Variants in IMPG1 observed in about 807,000 individuals in gnomAD.
The protein encoded by IMPG1 is interphotoreceptor matrix proteoglycan 1, also known as interphotoreceptor matrix proteoglycan of 150 kDa.
Under a neutral mutation model 92.0 loss-of-function variants are expected in IMPG1, and 85 were observed. That is an observed-to-expected ratio of 0.92 (90% CI 0.78 to 1.11). The LOEUF is 1.11. Ranked by LOEUF, IMPG1 falls within the 50% of genes least tolerant of loss-of-function variation. IMPG1 has a pLI of 0.00. For missense variants in IMPG1, 1,022 were observed against 956.0 expected (o/e 1.07, Z -0.91); for synonymous variants, 367 against 334.1 (o/e 1.10, Z -1.08).
chr6:75,930,974 T>C lies in IMPG1; in HGVS notation c.2222A>G (p.Gln741Arg), dbSNP rs1781657527. 1.9e-6 allele frequency: 3 copies of C among 1,614,128 alleles called. No homozygotes were observed. Among genetic ancestry groups the C allele is most frequent in the Non-Finnish European group, 2.5e-6 (3 of 1,180,042 alleles). ...GPGTKECEVL[Q>R]GKGAPCRLPD... The stretch of plus-strand genomic sequence containing the variant: ...CCACCTGCATGGAGCTCCCTTTCCC[T>C]GGAGGACCTCGCATTCCTTTGTGCC... The change falls in exon 15 of 17, where the codon CAG becomes CGG. Residue 741 changes from glutamine (Q) to arginine (R), a missense_variant. Around this residue, in one of 3 missense-constraint regions of IMPG1, gnomAD observed 332 missense variants for 346.2 expected, o/e 0.96. Transcript: ENST00000369950.
At position 75,950,639 on chromosome 6, in the gene IMPG1, T is replaced by C; in HGVS notation, c.1747A>G (p.Asn583Asp). ...AACAGGTCGTTGGAGAAGGCCATGT[T>C]AGCAACACGCAGACTGAAGAACACT... ...LVVFFSLRVANMAFSNDLFNK... is the reference protein window; with the variant it reads ...LVVFFSLRVADMAFSNDLFNK... The change falls in exon 13 of 17, where the codon AAC becomes GAC. Residue 583 changes from asparagine (N) to aspartate (D), a missense_variant. Asn to Asp is a conservative substitution (Grantham distance 23, BLOSUM62 1). Around this residue, in one of 3 missense-constraint regions of IMPG1, gnomAD observed 332 missense variants for 346.2 expected, o/e 0.96. Transcript: ENST00000369950. 1.9e-6 allele frequency: 3 copies of C among 1,613,888 alleles called. No individual in the cohort carries two copies. The highest frequency in any genetic ancestry group is 1.7e-6 in the Non-Finnish European group (2 of 1,179,854).
intron 1 of IMPG1, among the ~76,000 whole-genome samples, chr6:76,058,697 A>T (rs1784158543): frequency 6.6e-6 from 1 of 152,156 alleles, no homozygotes; most frequent in African/African-American, 2.4e-5. Flanking sequence ...AAGTTTTGGA[A>T]ATCTGGCTAG....
intron 12 of IMPG1, among the ~76,000 whole-genome samples, chr6:75,974,258 C>T (rs1017378917): frequency 1.3e-5 from 2 of 151,552 alleles, no homozygotes. Flanking sequence ...TTCTTTCTTT[C>T]TTTCTCTCTC....
chr6:75,927,618 T>C, intron 15 of IMPG1, among the ~76,000 whole-genome samples: 1 of 152,062 alleles, frequency 6.6e-6, no homozygotes, highest in Non-Finnish European at 1.5e-5. Context: ...CAGGGGTTAA[T>C]ACTTAACATT....
At position 75,924,693 on chromosome 6, in the gene IMPG1, A is replaced by ATAT. The variant is rs375540782; in HGVS notation, c.2244-988_2244-987insATA. Among the ~76,000 whole-genome samples, 18 of 4,036 alleles carry ATAT rather than the reference A, an allele frequency of 4.5e-3. 4 individuals carry two copies. The highest frequency in any genetic ancestry group is 5.7e-3 in the African/African-American group (13 of 2,276). 2.6% of individuals were successfully genotyped at this position (4,036 alleles called of 152,430 possible). A position where few individuals can be genotyped will look rare whatever the true frequency, so the allele number is the denominator to read the frequency against. Reference sequence around the variant, plus strand: ...AATTATATATTATATATTATATATAAATAATTATATATAATATATAATATA... The same window carrying ATAT: ...AATTATATATTATATATTATATATAATATATAATTATATATAATATATAATATA... On this transcript the variant is annotated intron_variant, in intron 15 of 16. Coordinates refer to ENST00000369950, the MANE Select transcript of IMPG1 (RefSeq NM_001563.4).
rs150873594 is a variant in IMPG1, at chr6:75,975,323, G to T, written c.1292-24229C>A. Among the ~76,000 whole-genome samples the T allele has an allele frequency of 1.0e-3, 155 of 152,314 alleles. 2 individuals carry two copies. Among genetic ancestry groups the T allele is most frequent in the African/African-American group, 3.1e-3 (127 of 41,590 alleles). ...CCCAGACATACCTGGAACAAAGTCA[G>T]TTCTGATCAGGACATATCTCTGATG... On this transcript the variant is annotated intron_variant, in intron 12 of 16. Transcript: ENST00000369950.
intron 12 of IMPG1, among the ~76,000 whole-genome samples, chr6:75,982,270 C>A (rs540116881): frequency 1.3e-5 from 2 of 152,116 alleles, no homozygotes; most frequent in East Asian, 3.9e-4. Flanking sequence ...CTGTTATTTA[C>A]CATCTGAATA....
At chr6:75,977,670 C>G (rs1782562288) in intron 12 of IMPG1, among the ~76,000 whole-genome samples, 1 of 151,458 alleles carries the variant, frequency 6.6e-6, no homozygotes, top group East Asian at 1.9e-4. Context: ...TCATAAAGAA[C>G]TCGAGGTGGA....
chr6:75,957,081 G>A (rs1172262404), intron 12 of IMPG1, among the ~76,000 whole-genome samples: 1 of 152,010 alleles, frequency 6.6e-6, no homozygotes, highest in African/African-American at 2.4e-5. Context: ...CACCATGCCT[G>A]GCAAATTTTT....
chr6:75,928,090 TGAAAAC>T (rs1781589720), intron 15 of IMPG1, among the ~76,000 whole-genome samples: 1 of 152,180 alleles, frequency 6.6e-6, no homozygotes, highest in Non-Finnish European at 1.5e-5. Context: ...CTGATTAAAA[TGAAAAC>T]GGAATACATT....
At chr6:76,011,037 C>T (rs956629734) in intron 8 of IMPG1, 129 bp downstream of exon 8, 5 of 589,784 alleles carry the variant, frequency 8.5e-6, no homozygotes, top group South Asian at 4.4e-5. Context: ...AAACGTACTC[C>T]GTTTCCAGGA....
rs1002979695 is a variant in IMPG1, at chr6:75,922,034, A to T, written c.*55T>A. ...TATGCCTGTCTCCATTTTCCTTGAGAAGGCAAATCATCTCTCTTGAGATAG... is the reference window on the plus strand; with the variant it reads ...TATGCCTGTCTCCATTTTCCTTGAGTAGGCAAATCATCTCTCTTGAGATAG... On this transcript the variant is annotated 3_prime_UTR_variant, in exon 17 of 17. Transcript: ENST00000369950. 25 of 812,516 alleles carry T rather than the reference A, an allele frequency of 3.1e-5. No homozygotes were observed. The highest frequency in any genetic ancestry group is 5.0e-5 in the Non-Finnish European group (24 of 478,958). The allele number at this position is 812,516 out of a possible 1,614,324, so 50.3% of individuals were successfully genotyped here.
At position 75,924,726 on chromosome 6, in the gene IMPG1, AT is replaced by A. The variant is rs1209556750; in HGVS notation, c.2244-1021del. ...TATATAATATATAATATATAATATAATTATATATAATATATAATATATAATA... is the reference window on the plus strand; with the variant it reads ...TATATAATATATAATATATAATATAATATATATAATATATAATATATAATA... On this transcript the variant is annotated intron_variant, in intron 15 of 16. Coordinates refer to ENST00000369950, the MANE Select transcript of IMPG1 (RefSeq NM_001563.4). Among the ~76,000 whole-genome samples, 2 of 8,278 alleles carry A rather than the reference AT, an allele frequency of 2.4e-4. 1 individual carries two copies. Among genetic ancestry groups the A allele is most frequent in the East Asian group, 0.048 (2 of 42 alleles). The allele number at this position is 8,278 out of a possible 152,430, so 5.4% of individuals were successfully genotyped here. A position where few individuals can be genotyped will look rare whatever the true frequency, so the allele number is the denominator to read the frequency against.
At chr6:75,974,391 C>T (rs200934097) in intron 12 of IMPG1, among the ~76,000 whole-genome samples, 6,041 of 53,754 alleles carry the variant, frequency 0.11, 215 homozygotes, top group East Asian at 0.17. Context: ...TTCTTTCTTT[C>T]TTTTCTTTCT....
intron 12 of IMPG1, among the ~76,000 whole-genome samples, chr6:75,968,906 A>G (rs923183056): frequency 2.0e-5 from 3 of 152,192 alleles, no homozygotes; most frequent in Admixed American, 6.5e-5. Flanking sequence ...TAAATTACCT[A>G]GTCTGTGATA....
At chr6:75,935,314 G>C (rs907029193) in intron 14 of IMPG1, among the ~76,000 whole-genome samples, 1 of 152,184 alleles carries the variant, frequency 6.6e-6, no homozygotes, top group African/African-American at 2.4e-5. Context: ...CTGCCTGGCG[G>C]GGGTAATGTG....
intron 15 of IMPG1, among the ~76,000 whole-genome samples, chr6:75,924,577 TTAATA>T (rs1218748207): frequency 5.0e-5 from 1 of 19,974 alleles, no homozygotes; most frequent in Non-Finnish European, 1.0e-4. Context: ...TTATATATAA[TTAATA>T]TAATTATATA....
intron 12 of IMPG1, among the ~76,000 whole-genome samples, chr6:75,979,773 A>G (rs1216187535): frequency 6.6e-6 from 1 of 152,222 alleles, no homozygotes; most frequent in African/African-American, 2.4e-5. Flanking sequence ...AATTTAGCAA[A>G]AGCATTGTTT....
intron 8 of IMPG1, among the ~76,000 whole-genome samples, chr6:76,010,335 T>C (rs557788676): frequency 6.6e-6 from 1 of 152,354 alleles, no homozygotes; most frequent in Middle Eastern, 3.4e-3. Flanking sequence ...CCAGGGCTGA[T>C]ATTTACCCTG....
Sources: allele counts gnomAD v4.1 joint callset (sites outside exome capture counted in the v4.1 genomes callset), GRCh38; gene constraint gnomAD v4.1.1; regional missense constraint gnomAD v4.1.1; transcripts MANE v1.5; gene names NCBI Gene and HGNC (gene_info 2026-07-23, HGNC 2026-07-21).